Variants in TSHZ2 observed in about 807,000 individuals in gnomAD.
TSHZ2 encodes teashirt zinc finger homeobox 2.
TSHZ2 carries 21 observed loss-of-function variants against 74.4 expected under a neutral mutation model. That is an observed-to-expected ratio of 0.28 (90% confidence interval 0.20 to 0.41). The LOEUF (loss-of-function observed/expected upper bound fraction) is 0.41. Ranked by LOEUF, TSHZ2 falls within the 10% of genes least tolerant of loss-of-function variation. The probability of loss-of-function intolerance (pLI) is 1.00; values close to 1 mark genes in which losing one functional copy is unlikely to be tolerated. For missense variants in TSHZ2, 1,244 were observed against 1,293.5 expected (o/e 0.96, Z 0.59); for synonymous variants, 540 against 515.3 (o/e 1.05, Z -0.65).
intron 2 of TSHZ2, among the ~76,000 whole-genome samples, chr20:53,411,694 T>C (rs1370257121): frequency 2.6e-5 from 4 of 152,106 alleles, no homozygotes; most frequent in African/African-American, 9.7e-5. Flanking sequence ...ACAGGTAGGT[T>C]GGCACGTGCA....
At chr20:53,039,000 C>T (rs2123090671) in intron 1 of TSHZ2, among the ~76,000 whole-genome samples, 1 of 151,968 alleles carries the variant, frequency 6.6e-6, no homozygotes. Flanking sequence ...GGGTTCAAGC[C>T]ATTCTCCTGA....
At chr20:53,004,773 A>G (rs1982577929) in intron 1 of TSHZ2, among the ~76,000 whole-genome samples, 1 of 152,212 alleles carries the variant, frequency 6.6e-6, no homozygotes, top group Non-Finnish European at 1.5e-5. Flanking sequence ...TGAGTGGTTC[A>G]ATATAATAAT....
intron 1 of TSHZ2, among the ~76,000 whole-genome samples, chr20:53,057,425 C>T (rs1185561476): frequency 6.6e-6 from 1 of 152,192 alleles, no homozygotes. Context: ...CGCCCTACAA[C>T]CTTCCTTTGG....
At chr20:53,016,072 A>G (rs1156490397) in intron 1 of TSHZ2, among the ~76,000 whole-genome samples, 3 of 152,206 alleles carry the variant, frequency 2.0e-5, no homozygotes, top group Non-Finnish European at 4.4e-5. Context: ...TAAAAGTAAC[A>G]TGGAATTTAA....
chr20:53,308,261 C>T (rs769359555), intron 2 of TSHZ2, among the ~76,000 whole-genome samples: 4 of 152,182 alleles, frequency 2.6e-5, no homozygotes, highest in Non-Finnish European at 1.5e-5. Context: ...TTTGCAGTCT[C>T]TGCTTTCTTT....
chr20:53,025,720 C>A (rs1051161367), intron 1 of TSHZ2, among the ~76,000 whole-genome samples: 1 of 152,176 alleles, frequency 6.6e-6, no homozygotes, highest in Admixed American at 6.5e-5. Flanking sequence ...AATTCAATTT[C>A]TTATATGATC....
intron 2 of TSHZ2, among the ~76,000 whole-genome samples, chr20:53,467,899 A>G (rs186700306): frequency 1.3e-5 from 2 of 152,324 alleles, no homozygotes; most frequent in Admixed American, 6.5e-5. Flanking sequence ...AGTGTCTGGA[A>G]GAGATTTATG....
At chr20:53,111,001 C>T (rs1568764211) in intron 1 of TSHZ2, among the ~76,000 whole-genome samples, 3 of 152,106 alleles carry the variant, frequency 2.0e-5, no homozygotes, top group African/African-American at 7.2e-5. Context: ...TCAGAAGTCA[C>T]CTATCTATCT....
intron 1 of TSHZ2, among the ~76,000 whole-genome samples, chr20:53,242,208 T>C (rs1990086282): frequency 6.6e-6 from 1 of 152,146 alleles, no homozygotes; most frequent in African/African-American, 2.4e-5. Context: ...GATGTTTAGC[T>C]GCATCCCTGG....
chr20:53,183,574 C>T (rs574550195), intron 1 of TSHZ2, among the ~76,000 whole-genome samples: 2 of 152,188 alleles, frequency 1.3e-5, no homozygotes, highest in South Asian at 4.2e-4. Flanking sequence ...GTGAGCAGAT[C>T]CTTCATACAC....
chr20:53,324,916 G>C (rs1441983552), intron 2 of TSHZ2, among the ~76,000 whole-genome samples: 4 of 152,176 alleles, frequency 2.6e-5, no homozygotes, highest in African/African-American at 9.7e-5. Context: ...AGTTATATTT[G>C]TAAGCTAACA....
intron 2 of TSHZ2, among the ~76,000 whole-genome samples, chr20:53,288,706 C>T (rs114498683): frequency 0.015 from 2,324 of 152,038 alleles, 71 homozygotes; most frequent in African/African-American, 0.053. Flanking sequence ...AAAGACAGAT[C>T]CTACACAAAT....
intron 2 of TSHZ2, among the ~76,000 whole-genome samples, chr20:53,466,777 T>G (rs1985576413): frequency 6.7e-6 from 1 of 150,320 alleles, no homozygotes; most frequent in Admixed American, 6.6e-5. Context: ...GTTGTCCTGA[T>G]CTGGATGTTG....
rs375071125 is a variant in TSHZ2 at position 53,255,576 on chromosome 20, G to A, written c.2118G>A (p.Leu706=). 2.3e-5 allele frequency: 36 copies of A among 1,581,604 alleles called. No homozygotes were observed. Among genetic ancestry groups the A allele is most frequent in the Non-Finnish European group, 2.5e-5 (29 of 1,165,262 alleles). The stretch of plus-strand genomic sequence containing the variant: ...TGCAGTCCGTCCTGAACAATCACTT[G>A]GGCAAAGCCACGGAGCCCTTGCGCT... The part of the protein sequence containing the change: ...SALQSVLNNH[L]GKATEPLRSP... The change falls in exon 2 of 3, where the codon TTG becomes TTA. Residue 706 remains leucine (L), a synonymous_variant. Transcript: ENST00000371497. The surrounding 1 kb of genome is among the most constrained non-coding windows in gnomAD (Gnocchi z 4.1).
chr20:53,436,542 A>ATTTTT (rs1227006046), intron 2 of TSHZ2, among the ~76,000 whole-genome samples: 6 of 98,890 alleles, frequency 6.1e-5, no homozygotes, highest in East Asian at 6.6e-4. Context: ...TATTATTATT[A>ATTTTT]TTATTATTTT....
rs1049620431 is a variant in TSHZ2, at chr20:53,227,501, G to C, written c.41-25998G>C. Reference sequence around the variant, plus strand: ...ACACACACACACACACACACACACAGAGTAATACCTGTTATTAAATGACCT... The same window carrying C: ...ACACACACACACACACACACACACACAGTAATACCTGTTATTAAATGACCT... On this transcript the variant is annotated intron_variant, in intron 1 of 2. Transcript: ENST00000371497. Among the ~76,000 whole-genome samples, 5 of 146,188 alleles carry C rather than the reference G, an allele frequency of 3.4e-5. No homozygotes were observed. The East Asian group carries it at 1.0e-3, about 29-fold the overall frequency.
At chr20:53,333,532 T>G (rs936025650) in intron 2 of TSHZ2, among the ~76,000 whole-genome samples, 13 of 151,958 alleles carry the variant, frequency 8.6e-5, no homozygotes, top group Non-Finnish European at 1.9e-4. Context: ...CTCAGCTCAC[T>G]GCAAGCTCCG....
At chr20:53,406,147 G>T (rs1982844865) in intron 2 of TSHZ2, among the ~76,000 whole-genome samples, 4 of 152,082 alleles carry the variant, frequency 2.6e-5, no homozygotes, top group Admixed American at 2.6e-4. Context: ...GGATCAGGGG[G>T]CACAGAACCA....
intron 1 of TSHZ2, among the ~76,000 whole-genome samples, chr20:53,201,048 C>A (rs1180360600): frequency 6.6e-6 from 1 of 151,306 alleles, no homozygotes. Flanking sequence ...GAAATTGAGT[C>A]AAAAGAAATG....
Sources: gnomAD v4.1 joint callset for allele counts (sites outside exome capture counted in the v4.1 genomes callset) on GRCh38, gnomAD v4.1.1 for gene constraint, Gnocchi (gnomAD v3.1) non-coding constraint, MANE v1.5 for transcripts, NCBI Gene and HGNC (gene_info 2026-07-23, HGNC 2026-07-21) for gene names.